Variants in SEC24A observed in about 807,000 individuals in gnomAD.
SEC24A encodes SEC24 homolog A, COPII component, also known as protein transport protein Sec24A.
In SEC24A, 93 loss-of-function variants were observed where a neutral mutation model predicts 129.4. The observed-to-expected ratio is 0.72, with a 90% CI of 0.61 to 0.85. The LOEUF (loss-of-function observed/expected upper bound fraction) is 0.85. Among genes scored for constraint, SEC24A ranks in the 40% least tolerant of loss-of-function variants. The pLI is 0.00. For missense variants in SEC24A, 1,264 were observed against 1,307.4 expected, an observed-to-expected ratio of 0.97 and a Z score of 0.51; for synonymous variants, 460 against 467.3, an observed-to-expected ratio of 0.98 and a Z score of 0.20.
At chr5:134,722,022 A>G (rs1426672076) in intron 21 of SEC24A, among the ~76,000 whole-genome samples, 3 of 152,222 alleles carry the variant, frequency 2.0e-5, no homozygotes, top group Non-Finnish European at 4.4e-5. Flanking sequence ...AACTGAACGA[A>G]TCAATTAATT....
At chr5:134,685,410 C>G (rs1330020996) in intron 9 of SEC24A, among the ~76,000 whole-genome samples, 1 of 151,318 alleles carries the variant, frequency 6.6e-6, no homozygotes, top group East Asian at 1.9e-4. Context: ...TACAGTATAG[C>G]AACTATTTAC....
chr5:134,699,948 A>G (rs1020711461), intron 15 of SEC24A, among the ~76,000 whole-genome samples: 14 of 150,806 alleles, frequency 9.3e-5, no homozygotes, highest in African/African-American at 3.2e-4. Context: ...TGATCCGCCT[A>G]CCTTGGCCTC....
chr5:134,649,502 A>C (rs1002933691), intron 1 of SEC24A, among the ~76,000 whole-genome samples: 1 of 151,946 alleles, frequency 6.6e-6, no homozygotes, highest in African/African-American at 2.4e-5. Context: ...CTTCCTTGCC[A>C]CCTCACCCCA....
At position 134,648,868 on chromosome 5, in the gene SEC24A, C is replaced by G; in HGVS notation, c.-209C>G. ...CGTTCGCGGCCCCGCCGGCCCGACT[C>G]TCAAGCCTCAGCTCCCAGGCTAGGC... On this transcript the variant is annotated 5_prime_UTR_variant, in exon 1 of 23. Transcript: ENST00000398844. 2.4e-6 allele frequency: 1 copy of G among 424,126 alleles called. No individual in the cohort carries two copies. The highest frequency in any genetic ancestry group is 4.8e-5 in the South Asian group (1 of 20,774). 26.3% of individuals were successfully genotyped at this position (424,126 alleles called of 1,614,324 possible).
At position 134,721,098 on chromosome 5, in the gene SEC24A, T is replaced by G; in HGVS notation, c.3063+8T>G. On this transcript the variant is annotated splice_region_variant and intron_variant, in intron 21 of 22. Coordinates refer to ENST00000398844, the MANE Select transcript of SEC24A (RefSeq NM_021982.3). ...TCAATTCCACAGCCTATGGTAAGAC[T>G]CTTTTATTATAGTGATTATAAAGGG... The G allele has an allele frequency of 6.6e-7, 1 of 1,519,292 alleles. No individual in the cohort carries two copies. The highest frequency in any genetic ancestry group is 9.1e-7 in the Non-Finnish European group (1 of 1,095,794). The allele number at this position is 1,519,292 out of a possible 1,614,324, so 94.1% of individuals were successfully genotyped here. A position where few individuals can be genotyped will look rare whatever the true frequency, so the allele number is the denominator to read the frequency against.
chr5:134,684,884 T>A (rs888367183), intron 9 of SEC24A, among the ~76,000 whole-genome samples: 1 of 152,160 alleles, frequency 6.6e-6, no homozygotes, highest in Admixed American at 6.6e-5. Flanking sequence ...CAAAAATTGC[T>A]TCCTTTAAAT....
chr5:134,655,551 C>G lies in SEC24A; in HGVS notation c.98-5568C>G, dbSNP rs1262655367. On this transcript the variant is annotated intron_variant, in intron 1 of 22. Coordinates refer to ENST00000398844, the MANE Select transcript of SEC24A (RefSeq NM_021982.3). ...GTAATCCCAGCTACTCAGGAGGCCT[C>G]AGCCTCCTGAGTGATTCTCAGCAGG... 5.9e-5 allele frequency among the ~76,000 whole-genome samples: 9 copies of G among 152,016 alleles called. No individual in the cohort carries two copies. In the South Asian group the frequency reaches 8.3e-4, roughly 14 times the overall value.
In SEC24A at chr5:134,679,627, C is replaced by A; in HGVS notation, c.1280C>A (p.Thr427Lys). Residue 427 changes from threonine (T) to lysine (K), a missense_variant, in exon 8 of 23, where the codon ACA becomes AAA. By Grantham distance (78) the Thr-to-Lys change is moderately conservative (BLOSUM62 -1). Transcript: ENST00000398844. ...CAATTGCCTGTGGTTACCTCCAGTA[C>A]AATTGTGAGATGCCGTTCATGCAGG... ...LVQLPVVTSS[T>K]IVRCRSCRTY... is the part of the protein sequence containing the mutation. 1 of 1,587,244 alleles carries A rather than the reference C, an allele frequency of 6.3e-7. No individual in the cohort carries two copies.
Position 134,676,119 on chromosome 5 carries a change from C to T in SEC24A, c.1248C>T (p.Asp416=), listed in dbSNP as rs1413920441. 2 of 1,597,372 alleles carry T rather than the reference C, an allele frequency of 1.3e-6. No homozygotes were observed. Among genetic ancestry groups the T allele is most frequent in the African/African-American group, 1.4e-5 (1 of 73,748 alleles). Residue 416 remains aspartate, a synonymous_variant, in exon 7 of 23, where the codon GAC becomes GAT. Transcript: ENST00000398844. The part of the protein sequence containing the change: ...PLGLLLHPFK[D]LVQLPVVTSS... ...GGCTGCTGCTTCATCCTTTCAAAGACTTAGTGGTATGTTTCTTTTCTTTTC... is the reference window on the plus strand; with the variant it reads ...GGCTGCTGCTTCATCCTTTCAAAGATTTAGTGGTATGTTTCTTTTCTTTTC...
chr5:134,718,080 C>T lies in SEC24A; in HGVS notation c.2877C>T (p.Asn959=). 6.2e-7 allele frequency: 1 copy of T among 1,613,616 alleles called. No homozygotes were observed. The highest frequency in any genetic ancestry group is 1.1e-5 in the South Asian group (1 of 91,076). The change falls in exon 20 of 23, where the codon AAC becomes AAT. Residue 959 remains asparagine (N), a synonymous_variant. Coordinates refer to ENST00000398844, the MANE Select transcript of SEC24A (RefSeq NM_021982.3). ...VDNLSDEGAL[N]ISDRTIPQPP... is the part of the protein sequence containing the mutation. ...ACTTAATTCCTCAGGGAGCACTCAACATCAGTGATAGAACCATACCTCAGC... is the reference window on the plus strand; with the variant it reads ...ACTTAATTCCTCAGGGAGCACTCAATATCAGTGATAGAACCATACCTCAGC...
intron 1 of SEC24A, among the ~76,000 whole-genome samples, chr5:134,659,047 T>TTATTTATTTA (rs1554136610): frequency 7.2e-6 from 1 of 138,766 alleles, no homozygotes; most frequent in Non-Finnish European, 1.5e-5. Context: ...ACCCATTTAT[T>TTATTTATTTA]TTTATTTATT....
At chr5:134,667,849 G>A (rs1179316163) in intron 3 of SEC24A, among the ~76,000 whole-genome samples, 4 of 152,124 alleles carry the variant, frequency 2.6e-5, no homozygotes, top group Non-Finnish European at 4.4e-5. Context: ...AGTAAAATAT[G>A]TTAAAGCATC....
intron 18 of SEC24A, among the ~76,000 whole-genome samples, chr5:134,713,874 CAAAAA>C (rs151183691): frequency 1.1e-5 from 1 of 94,892 alleles, no homozygotes; most frequent in African/African-American, 3.9e-5. Flanking sequence ...ACTAAAAATA[CAAAAA>C]AAAAAAAAAA....
At chr5:134,688,458 C>T (rs2150093099) in intron 11 of SEC24A, among the ~76,000 whole-genome samples, 159 bp downstream of exon 11, 1 of 152,214 alleles carries the variant, frequency 6.6e-6, no homozygotes, top group East Asian at 1.9e-4. Context: ...TTCAATCTCT[C>T]ATTTTATGGA....
chr5:134,677,345 T>A (rs561678006), intron 7 of SEC24A, among the ~76,000 whole-genome samples: 37 of 152,050 alleles, frequency 2.4e-4, no homozygotes, highest in African/African-American at 8.9e-4. Context: ...AAAAAGAAAC[T>A]GATCTACCTT....
chr5:134,677,561 G>T (rs1751110186), intron 7 of SEC24A, among the ~76,000 whole-genome samples: 1 of 150,824 alleles, frequency 6.6e-6, no homozygotes, highest in African/African-American at 2.4e-5. Flanking sequence ...ATAAAGGCCA[G>T]GTGCAGTGGC....
intron 17 of SEC24A, among the ~76,000 whole-genome samples, chr5:134,706,913 T>A (rs1752175890): frequency 6.6e-6 from 1 of 152,040 alleles, no homozygotes; most frequent in Non-Finnish European, 1.5e-5. Flanking sequence ...ATGGTCTCAA[T>A]CTCTTGACCT....
chr5:134,671,977 AG>A, intron 4 of SEC24A, 91 bp downstream of exon 4: 1 of 780,844 alleles, frequency 1.3e-6, no homozygotes, highest in Admixed American at 2.4e-5. Context: ...GGAAACTAAG[AG>A]GGAAACTTCA....
At chr5:134,664,434 G>A (rs539208590) in intron 2 of SEC24A, among the ~76,000 whole-genome samples, 7 of 152,000 alleles carry the variant, frequency 4.6e-5, no homozygotes, top group Admixed American at 6.6e-5. Flanking sequence ...TATCAGTGTC[G>A]TAAATAAGAA....
Sources: gnomAD v4.1 joint callset for allele counts (sites outside exome capture counted in the v4.1 genomes callset) on GRCh38, gnomAD v4.1.1 for gene constraint, MANE v1.5 for transcripts, NCBI Gene and HGNC (gene_info 2026-07-23, HGNC 2026-07-21) for gene names.